Variants in ARHGEF16 observed in about 807,000 individuals in gnomAD.
The protein encoded by ARHGEF16 is Rho guanine exchange factor (GEF) 16.
ARHGEF16 carries 59 observed loss-of-function variants against 74.1 expected under a neutral mutation model. That is an observed-to-expected ratio of 0.80 (90% CI 0.65 to 0.99). The LOEUF (loss-of-function observed/expected upper bound fraction) is 0.99, where lower values mean the gene tolerates loss of function less well. Among genes scored for constraint, ARHGEF16 ranks in the 50% least tolerant of loss-of-function variants. The probability of loss-of-function intolerance (pLI) is 0.00; values close to 1 mark genes in which losing one functional copy is unlikely to be tolerated. For synonymous variants in ARHGEF16, 415 were observed against 412.6 expected, an observed-to-expected ratio of 1.01 and a Z score of -0.07; for missense variants, 948 against 986.6, an observed-to-expected ratio of 0.96 and a Z score of 0.52.
Position 3,480,466 on chromosome 1 carries a change from G to C in ARHGEF16, c.2009G>C (p.Arg670Thr), listed in dbSNP as rs533912444. ...GGTTCAGGGTGGCTCTATGGCGAGAGGCTCCGGGACGGAGAGACGGGATGG... is the reference window on the plus strand; with the variant it reads ...GGTTCAGGGTGGCTCTATGGCGAGACGCTCCGGGACGGAGAGACGGGATGG... ...QQEDGWLYGE[R>T]LRDGETGWFP... Residue 670 changes from arginine (R) to threonine (T), a missense_variant, in exon 15 of 15, where the codon AGG becomes ACG. Coordinates refer to ENST00000378378, the MANE Select transcript of ARHGEF16 (RefSeq NM_014448.4). The C allele has an allele frequency of 1.2e-6, 2 of 1,612,618 alleles. No individual in the cohort carries two copies. The highest frequency in any genetic ancestry group is 1.7e-6 in the Non-Finnish European group (2 of 1,179,956).
At chr1:3,465,674 G>A (rs557906998) in intron 2 of ARHGEF16, among the ~76,000 whole-genome samples, 441 of 152,322 alleles carry the variant, frequency 2.9e-3, no homozygotes, top group Non-Finnish European at 4.5e-3. Context: ...GCACCTGAGC[G>A]TGGGGGCTTC....
At chr1:3,459,218 C>G (rs993446817) in intron 1 of ARHGEF16, among the ~76,000 whole-genome samples, 1 of 152,150 alleles carries the variant, frequency 6.6e-6, no homozygotes, top group African/African-American at 2.4e-5. Context: ...CGAGGCACAT[C>G]AGCAAGACAG....
At chr1:3,468,959 G>A (rs534681726) in intron 5 of ARHGEF16, 23 bp downstream of exon 5, 17 of 1,549,286 alleles carry the variant, frequency 1.1e-5, no homozygotes, top group South Asian at 2.4e-5. Context: ...TGGGCGGGAG[G>A]GCTGTCCCCC....
chr1:3,470,367 T>C (rs1639673581), intron 6 of ARHGEF16, among the ~76,000 whole-genome samples: 1 of 148,774 alleles, frequency 6.7e-6, no homozygotes, highest in Non-Finnish European at 1.5e-5. Flanking sequence ...GGCAGGTATG[T>C]GTGTGTGTAG....
At chr1:3,479,623 C>T (rs565173661) in intron 13 of ARHGEF16, 33 bp downstream of exon 13, 2 of 1,602,354 alleles carry the variant, frequency 1.2e-6, no homozygotes, top group Non-Finnish European at 1.7e-6. Flanking sequence ...AGGGCTGGCC[C>T]TCTGCCGTGG....
At chr1:3,479,402 C>A (rs1639991231) in intron 12 of ARHGEF16, 115 bp from the exon 13 acceptor site, 2 of 1,085,238 alleles carry the variant, frequency 1.8e-6, no homozygotes, top group African/African-American at 2.4e-5. Flanking sequence ...TCCTGCCCAC[C>A]CCCACCACCC....
chr1:3,471,922 TC>T, intron 6 of ARHGEF16: 2 of 693,830 alleles, frequency 2.9e-6, no homozygotes, highest in Non-Finnish European at 3.7e-6. Context: ...AACCGAGGCC[TC>T]CCATGACCTG....
chr1:3,457,451 G>C (rs904016078), intron 1 of ARHGEF16, among the ~76,000 whole-genome samples: 3 of 152,246 alleles, frequency 2.0e-5, no homozygotes, highest in African/African-American at 7.2e-5. Context: ...GGTCCTGGTG[G>C]CCGTGACAGC....
chr1:3,456,750 C>T (rs979932174), intron 1 of ARHGEF16, among the ~76,000 whole-genome samples: 6 of 152,252 alleles, frequency 3.9e-5, no homozygotes, highest in Non-Finnish European at 4.4e-5. Flanking sequence ...CTGTCAGAGG[C>T]AGGCTCTGAT....
Position 3,466,172 on chromosome 1 carries a change from C to T in ARHGEF16, c.613C>T (p.His205Tyr), listed in dbSNP as rs1377181626. Residue 205 changes from histidine to tyrosine, a missense_variant, in exon 3 of 15, where the codon CAC (histidine) becomes TAC (tyrosine). By Grantham distance (83) the His-to-Tyr change is moderately conservative. Coordinates refer to ENST00000378378, the MANE Select transcript of ARHGEF16 (RefSeq NM_014448.4). Reference sequence around the variant, plus strand: ...GAAGACGCTGGGGAGGAAACGTGGGCACAAGGGTTCCTTCAAGGACGGTGA... The same window carrying T: ...GAAGACGCTGGGGAGGAAACGTGGGTACAAGGGTTCCTTCAAGGACGGTGA... ...NKKTLGRKRG[H>Y]KGSFKDDPQL... The T allele has an allele frequency of 1.3e-6, 2 of 1,546,004 alleles. No individual in the cohort carries two copies. The highest frequency in any genetic ancestry group is 2.4e-5 in the South Asian group (2 of 83,134).
chr1:3,461,847 G>T (rs181370251), intron 1 of ARHGEF16, among the ~76,000 whole-genome samples: 1 of 152,186 alleles, frequency 6.6e-6, no homozygotes, highest in Non-Finnish European at 1.5e-5. Context: ...CAGGGAAGAC[G>T]CAGAGGCAGG....
In ARHGEF16 at chr1:3,478,463, C is replaced by T. The variant is rs754060139; in HGVS notation, c.1665C>T (p.Asn555=). 3.1e-6 allele frequency: 5 copies of T among 1,611,980 alleles called. No individual in the cohort carries two copies. The highest frequency in any genetic ancestry group is 4.2e-6 in the Non-Finnish European group (5 of 1,179,464). ...SYMVQDYAQM[N]HIQVEKIEPS... is the part of the protein sequence containing the mutation. ...TGGTCCAGGACTACGCCCAGATGAA[C>T]CACATCCAGGTGGAGAAGATAGAGC... The change falls in exon 12 of 15, where the codon AAC becomes AAT. Residue 555 remains asparagine (N), a synonymous_variant. Coordinates refer to ENST00000378378, the MANE Select transcript of ARHGEF16 (RefSeq NM_014448.4).
chr1:3,467,452 C>G (rs1639579949), intron 4 of ARHGEF16, 115 bp downstream of exon 4: 16 of 1,274,766 alleles, frequency 1.3e-5, no homozygotes, highest in Non-Finnish European at 1.6e-5. Flanking sequence ...CCAGTCCTCC[C>G]AGGGAGGGTG....
chr1:3,469,998 A>G (rs943416656), intron 6 of ARHGEF16, among the ~76,000 whole-genome samples: 2 of 152,176 alleles, frequency 1.3e-5, no homozygotes, highest in African/African-American at 4.8e-5. Context: ...TTCCACCCAA[A>G]GGTGTCTGGT....
At chr1:3,479,755 G>T in intron 13 of ARHGEF16, 57 bp from the exon 14 acceptor site, 1 of 1,584,736 alleles carries the variant, frequency 6.3e-7, no homozygotes, top group Non-Finnish European at 8.6e-7. Context: ...GGCCGTTGGG[G>T]AGTGGAGCCT....
intron 7 of ARHGEF16, 22 bp from the exon 8 acceptor site, chr1:3,473,371 G>A (rs1639791722): frequency 1.3e-6 from 2 of 1,590,324 alleles, no homozygotes; most frequent in Non-Finnish European, 8.6e-7. Context: ...GAGCCTGGAA[G>A]GACAGCCTTG....
At chr1:3,476,392 A>G (rs919024441) in intron 10 of ARHGEF16, among the ~76,000 whole-genome samples, 1 of 152,136 alleles carries the variant, frequency 6.6e-6, no homozygotes, top group Non-Finnish European at 1.5e-5. Context: ...TGGCCCTGTC[A>G]GTGCACTTGC....
rs898990913 is a variant in ARHGEF16, at chr1:3,460,177, C to T, written c.-19-2889C>T. On this transcript the variant is annotated intron_variant, in intron 1 of 14. Coordinates refer to ENST00000378378, the MANE Select transcript of ARHGEF16 (RefSeq NM_014448.4). ...CTCTCTGTTAGGCCTGTGGGTGCGG[C>T]TGCCTCGCTGGGAGCGGAGGTCACA... Among the ~76,000 whole-genome samples the T allele has an allele frequency of 2.6e-5, 4 of 152,346 alleles. No homozygotes were observed. The East Asian group carries it at 7.7e-4, about 29-fold the overall frequency.
intron 1 of ARHGEF16, among the ~76,000 whole-genome samples, chr1:3,455,523 C>G (rs1427304930): frequency 6.6e-6 from 1 of 151,936 alleles, no homozygotes; most frequent in Non-Finnish European, 1.5e-5. Flanking sequence ...GGAACAGTAT[C>G]CCTTTTGAGA....
Sources: allele counts gnomAD v4.1 joint callset (sites outside exome capture counted in the v4.1 genomes callset), GRCh38; gene constraint gnomAD v4.1.1; transcripts MANE v1.5; gene names NCBI Gene and HGNC (gene_info 2026-07-23, HGNC 2026-07-21).